The following CNTN4 variants were observed in gnomAD, a reference collection of about 807,000 sequenced individuals.
CNTN4 encodes the protein contactin-4.
In CNTN4, 77 loss-of-function variants were observed where a neutral mutation model predicts 122.5. That is an observed-to-expected ratio of 0.63 (90% confidence interval 0.52 to 0.76). The LOEUF is 0.76. CNTN4 is among the 30% of genes least tolerant of loss of function. The pLI is 0.00. For synonymous variants in CNTN4, 512 were observed against 447.0 expected, an observed-to-expected ratio of 1.15 and a Z score of -1.83; for missense variants, 1,256 against 1,259.1, an observed-to-expected ratio of 1.00 and a Z score of 0.04.
intron 3 of CNTN4, among the ~76,000 whole-genome samples, chr3:2,542,192 A>G (rs752789742): frequency 6.6e-6 from 1 of 152,138 alleles, no homozygotes; most frequent in South Asian, 2.1e-4. Flanking sequence ...AGATCAGCAA[A>G]GATGCTAGAA....
At chr3:2,139,929 C>A (rs1574922387) in intron 2 of CNTN4, among the ~76,000 whole-genome samples, 1 of 152,190 alleles carries the variant, frequency 6.6e-6, no homozygotes, top group African/African-American at 2.4e-5. Context: ...GAATTGTAAT[C>A]CCTATAATTC....
chr3:3,018,764 A>G (rs1698004337), intron 14 of CNTN4, among the ~76,000 whole-genome samples: 1 of 152,212 alleles, frequency 6.6e-6, no homozygotes, highest in African/African-American at 2.4e-5. Context: ...AACAATGAGC[A>G]CATTGGGTCT....
chr3:2,380,069 A>AAAAG (rs2045961796), intron 3 of CNTN4, among the ~76,000 whole-genome samples: 1 of 151,814 alleles, frequency 6.6e-6, no homozygotes, highest in African/African-American at 2.4e-5. Context: ...AAAAAAAAAA[A>AAAAG]AAAAAATCAT....
At chr3:2,352,138 C>G (rs1385706740) in intron 3 of CNTN4, among the ~76,000 whole-genome samples, 1 of 152,172 alleles carries the variant, frequency 6.6e-6, no homozygotes, top group Non-Finnish European at 1.5e-5. Flanking sequence ...TGCCTGTAAT[C>G]CCAGCACTTT....
At chr3:2,367,974 T>C (rs1484314401) in intron 3 of CNTN4, among the ~76,000 whole-genome samples, 1 of 151,944 alleles carries the variant, frequency 6.6e-6, no homozygotes, top group African/African-American at 2.4e-5. Flanking sequence ...ACCTTCTCAG[T>C]GGTTCACTAT....
intron 3 of CNTN4, among the ~76,000 whole-genome samples, chr3:2,487,258 A>G (rs1370071525): frequency 1.3e-5 from 2 of 152,200 alleles, no homozygotes; most frequent in Non-Finnish European, 2.9e-5. Context: ...TTCTCTGCTT[A>G]TGTATAAGCA....
chr3:2,285,904 TG>T (rs1205850570), intron 2 of CNTN4, among the ~76,000 whole-genome samples: 1 of 152,170 alleles, frequency 6.6e-6, no homozygotes, highest in African/African-American at 2.4e-5. Context: ...TTATTCCATT[TG>T]TAGATGTATG....
At chr3:2,924,200 A>C (rs996310700) in intron 12 of CNTN4, among the ~76,000 whole-genome samples, 1 of 152,144 alleles carries the variant, frequency 6.6e-6, no homozygotes, top group Non-Finnish European at 1.5e-5. Flanking sequence ...AAGTATTTCC[A>C]CAACAAAAGA....
intron 4 of CNTN4, among the ~76,000 whole-genome samples, chr3:2,580,157 T>C (rs2079872748): frequency 6.6e-6 from 1 of 152,096 alleles, no homozygotes; most frequent in Admixed American, 6.5e-5. Context: ...TTAATATCAG[T>C]TAATATCAGG....
At chr3:2,204,232 A>G (rs2149402923) in intron 2 of CNTN4, among the ~76,000 whole-genome samples, 1 of 152,292 alleles carries the variant, frequency 6.6e-6, no homozygotes, top group Admixed American at 6.5e-5. Flanking sequence ...TAAAATTCAC[A>G]TTTCTTGACA....
intron 3 of CNTN4, among the ~76,000 whole-genome samples, chr3:2,350,581 A>G (rs528963134): frequency 1.0e-2 from 566 of 56,854 alleles, no homozygotes; most frequent in Middle Eastern, 0.051. Flanking sequence ...AAAAAAATAG[A>G]GTAGAATTCT....
intron 2 of CNTN4, among the ~76,000 whole-genome samples, chr3:2,281,650 G>C (rs1417032289): frequency 6.6e-6 from 1 of 151,962 alleles, no homozygotes; most frequent in Non-Finnish European, 1.5e-5. Context: ...ACCTTCTATA[G>C]TAGTATTTCA....
chr3:2,529,133 C>T (rs2077504946), intron 3 of CNTN4, among the ~76,000 whole-genome samples: 1 of 152,110 alleles, frequency 6.6e-6, no homozygotes, highest in African/African-American at 2.4e-5. Context: ...CCTCTAAAAG[C>T]CACTACTCTA....
intron 3 of CNTN4, among the ~76,000 whole-genome samples, chr3:2,444,321 G>A (rs1268940921): frequency 1.3e-5 from 2 of 152,042 alleles, no homozygotes; most frequent in Non-Finnish European, 2.9e-5. Flanking sequence ...CCTAGGAGAA[G>A]AGGCAGTGGC....
At chr3:2,644,223 C>G (rs1431488739) in intron 4 of CNTN4, among the ~76,000 whole-genome samples, 1 of 152,236 alleles carries the variant, frequency 6.6e-6, no homozygotes, top group African/African-American at 2.4e-5. Flanking sequence ...GGGAAAGGAA[C>G]TTGGTCATAG....
intron 6 of CNTN4, among the ~76,000 whole-genome samples, chr3:2,798,251 C>CT (rs1306872540): frequency 6.7e-6 from 1 of 149,788 alleles, no homozygotes; most frequent in Non-Finnish European, 1.5e-5. Flanking sequence ...AGATTTTATT[C>CT]TTTTTTATGG....
chr3:2,451,926 C>T (rs1017355875), intron 3 of CNTN4, among the ~76,000 whole-genome samples: 8 of 152,118 alleles, frequency 5.3e-5, no homozygotes, highest in Admixed American at 3.9e-4. Flanking sequence ...ACTCAGGGCA[C>T]ACATTAAATC....
intron 7 of CNTN4, among the ~76,000 whole-genome samples, chr3:2,822,453 T>G (rs934900478): frequency 6.6e-6 from 1 of 152,106 alleles, no homozygotes; most frequent in Non-Finnish European, 1.5e-5. Context: ...GTCCTTTATA[T>G]GAGAAAACCA....
chr3:2,546,547 C>T (rs1166313487), intron 3 of CNTN4, among the ~76,000 whole-genome samples: 3 of 151,992 alleles, frequency 2.0e-5, no homozygotes, highest in Non-Finnish European at 2.9e-5. Context: ...TTGGTACTTT[C>T]TTATTATATG....
Sources: allele counts gnomAD v4.1 joint callset (sites outside exome capture counted in the v4.1 genomes callset), GRCh38; gene constraint gnomAD v4.1.1; transcripts MANE v1.5; gene names NCBI Gene and HGNC (gene_info 2026-07-23, HGNC 2026-07-21).